Variants in CALR observed in about 807,000 individuals in gnomAD.
CALR encodes the protein calreticulin.
Under a neutral mutation model 51.1 loss-of-function variants are expected in CALR, and 15 were observed. The ratio of observed to expected loss-of-function variants is 0.29; its 90% CI spans 0.20 to 0.45. CALR has a LOEUF of 0.45. Ranked by LOEUF, CALR falls within the 20% of genes least tolerant of loss-of-function variation. The pLI, the probability that CALR is intolerant of heterozygous loss-of-function variation, is 1.00. For missense variants in CALR, 477 were observed against 530.6 expected, an observed-to-expected ratio of 0.90 and a Z score of 0.99; for synonymous variants, 239 against 205.9, an observed-to-expected ratio of 1.16 and a Z score of -1.38.
In CALR at chr19:12,940,948, G is replaced by A. The variant is rs116396710; in HGVS notation, c.960+61G>A. 2,426 of 1,553,816 alleles carry A rather than the reference G, an allele frequency of 1.6e-3. 25 individuals carry two copies. In the African/African-American group the frequency reaches 0.027, roughly 17 times the overall value. ...ACCTCAAGTGCATAAGATCACCCAA[G>A]AGGAAAGGGACAGGGTAGGCACCCC... On this transcript the variant is annotated intron_variant, in intron 7 of 8. Transcript: ENST00000316448.
At chr19:12,939,350 G>A (rs1599659246) in intron 2 of CALR, 78 bp from the exon 3 acceptor site, 1 of 1,491,332 alleles carries the variant, frequency 6.7e-7, no homozygotes, top group East Asian at 2.3e-5. Flanking sequence ...AGGAAGTGGG[G>A]GAGTCTTCTC....
At chr19:12,941,563 A>AC (rs1284721346) in intron 7 of CALR, among the ~76,000 whole-genome samples, 1 of 141,854 alleles carries the variant, frequency 7.0e-6, no homozygotes, top group Non-Finnish European at 1.5e-5. Context: ...GCTCCGCACG[A>AC]CCCCCCAGGT....
At position 12,944,233 on chromosome 19, in the gene CALR, A is replaced by G; in HGVS notation, c.*320A>G. ...TTAGCTCCCCTCCAACCTGGGGGGC[A>G]GTGGTGTGGAGAAGCCACAGGCCTG... On this transcript the variant is annotated 3_prime_UTR_variant, in exon 9 of 9. Coordinates refer to ENST00000316448, the MANE Select transcript of CALR (RefSeq NM_004343.4). The G allele has an allele frequency of 2.1e-6, 1 of 471,420 alleles. No homozygotes were observed. Among genetic ancestry groups the G allele is most frequent in the Admixed American group, 3.5e-5 (1 of 28,854 alleles). The allele number at this position is 471,420 out of a possible 1,614,324, so 29.2% of individuals were successfully genotyped here. A position where few individuals can be genotyped will look rare whatever the true frequency, so the allele number is the denominator to read the frequency against.
chr19:12,940,215 G>A (rs1388520849), intron 4 of CALR, 28 bp from the exon 5 acceptor site: 1 of 1,609,308 alleles, frequency 6.2e-7, no homozygotes, highest in African/African-American at 1.3e-5. Flanking sequence ...TTGGGGGGTG[G>A]CCCCCGCTCA....
chr19:12,942,468 G>A (rs1971562064), intron 7 of CALR, among the ~76,000 whole-genome samples: 1 of 152,030 alleles, frequency 6.6e-6, no homozygotes, highest in African/African-American at 2.4e-5. Context: ...AAAAATACCT[G>A]AATAAGAGAG....
intron 7 of CALR, among the ~76,000 whole-genome samples, chr19:12,942,991 A>C (rs1971568822): frequency 6.6e-6 from 1 of 151,250 alleles, no homozygotes; most frequent in Non-Finnish European, 1.5e-5. Flanking sequence ...CCTGGCCTCA[A>C]GTGATCCGTT....
intron 7 of CALR, among the ~76,000 whole-genome samples, chr19:12,941,669 C>T (rs1185762458): frequency 6.6e-6 from 1 of 150,718 alleles, no homozygotes; most frequent in Admixed American, 6.6e-5. Flanking sequence ...TTTTTTAGTA[C>T]AGACATGGTT....
Position 12,944,086 on chromosome 19 carries a change from GC to G in CALR, c.*176del, listed in dbSNP as rs1568449999. 2 of 817,338 alleles carry G rather than the reference GC, an allele frequency of 2.4e-6. No homozygotes were observed. The highest frequency in any genetic ancestry group is 3.3e-6 in the Non-Finnish European group (2 of 597,896). The allele number at this position is 817,338 out of a possible 1,614,324, so 50.6% of individuals were successfully genotyped here. On this transcript the variant is annotated 3_prime_UTR_variant, in exon 9 of 9. Transcript: ENST00000316448. ...CTCCACTCTCCCCCACCCCCTCCCCGCCCTTTTTTTTTTTTTTTTTTAAACT... is the reference window on the plus strand; with the variant it reads ...CTCCACTCTCCCCCACCCCCTCCCCGCCTTTTTTTTTTTTTTTTTTAAACT...
chr19:12,943,563 C>T lies in CALR; in HGVS notation c.987C>T (p.Asn329=). 1 of 1,614,176 alleles carries T rather than the reference C, an allele frequency of 6.2e-7. No homozygotes were observed. The highest frequency in any genetic ancestry group is 1.1e-5 in the South Asian group (1 of 91,088). ...WQVKSGTIFD[N]FLITNDEAYA... is the part of the protein sequence containing the mutation. ...TCAAGTCTGGCACCATCTTTGACAA[C>T]TTCCTCATCACCAACGATGAGGCAT... The change falls in exon 8 of 9, where the codon AAC becomes AAT. Residue 329 remains asparagine (N), a synonymous_variant. Coordinates refer to ENST00000316448, the MANE Select transcript of CALR (RefSeq NM_004343.4).
At position 12,938,725 on chromosome 19, in the gene CALR, G is replaced by A. The variant is rs1176515855; in HGVS notation, c.46G>A (p.Val16Ile). 1.9e-6 allele frequency: 3 copies of A among 1,611,562 alleles called. No homozygotes were observed. In the South Asian group the frequency reaches 3.3e-5, roughly 18 times the overall value. The change falls in exon 1 of 9, where the codon GTC becomes ATC. Residue 16 changes from valine (V) to isoleucine (I), a missense_variant. Physicochemically the swap from Val to Ile is conservative, Grantham distance 29. Transcript: ENST00000316448. ...GCTGCTCGGCCTCCTCGGCCTGGCC[G>A]TCGCCGAGCCTGCCGTCTACTTCAA... ...PLLLGLLGLA[V>I]AEPAVYFKEQ...
chr19:12,942,374 A>C (rs78451506), intron 7 of CALR, among the ~76,000 whole-genome samples: 1 of 151,606 alleles, frequency 6.6e-6, no homozygotes, highest in South Asian at 2.1e-4. Flanking sequence ...AAAAAAAAAA[A>C]ATGCTGGGAC....
intron 7 of CALR, chr19:12,943,332 C>A: frequency 1.6e-6 from 1 of 613,692 alleles, no homozygotes; most frequent in Non-Finnish European, 3.0e-6. Context: ...GATCCGCCCA[C>A]CTTGGCCTCT....
intron 1 of CALR, 98 bp downstream of exon 1, chr19:12,938,868 C>T (rs370625713): frequency 1.0e-6 from 1 of 973,908 alleles, no homozygotes; most frequent in Non-Finnish European, 1.6e-6. Context: ...AGAGGTCCAA[C>T]ACGGTGGCCT....
chr19:12,939,739 A>G, intron 3 of CALR, 108 bp downstream of exon 3: 1 of 941,322 alleles, frequency 1.1e-6, no homozygotes, highest in East Asian at 2.4e-5. Flanking sequence ...AGCTAAAAGA[A>G]TAAGTCCCAG....
chr19:12,939,783 G>A (rs1366220016), intron 3 of CALR, 152 bp downstream of exon 3: 1 of 774,888 alleles, frequency 1.3e-6, no homozygotes, highest in Non-Finnish European at 2.3e-6. Flanking sequence ...GCAGATCTAG[G>A]CTGTTAATTT....
In CALR at chr19:12,939,322, T is replaced by C. The variant is rs1055244914; in HGVS notation, c.193+87T>C. 4.8e-6 allele frequency: 7 copies of C among 1,446,950 alleles called. No homozygotes were observed. The Admixed American group carries it at 9.1e-5, about 19-fold the overall frequency. The allele number at this position is 1,446,950 out of a possible 1,614,324, so 89.6% of individuals were successfully genotyped here. On this transcript the variant is annotated intron_variant, in intron 2 of 8. Coordinates refer to ENST00000316448, the MANE Select transcript of CALR (RefSeq NM_004343.4). The stretch of plus-strand genomic sequence containing the variant: ...TACACACACAGCCGGGACAGTCCCC[T>C]TGGAGGAGGACAGGTGGAGGAAGTG...
chr19:12,944,110 AC>A lies in CALR; in HGVS notation c.*198del. On this transcript the variant is annotated 3_prime_UTR_variant, in exon 9 of 9. Coordinates refer to ENST00000316448, the MANE Select transcript of CALR (RefSeq NM_004343.4). ...CGCCCTTTTTTTTTTTTTTTTTTAA[AC>A]TGGTATTTTATCTTTGATTCTCCTT... The A allele has an allele frequency of 2.9e-6, 2 of 680,466 alleles. No individual in the cohort carries two copies. Among genetic ancestry groups the A allele is most frequent in the Non-Finnish European group, 4.5e-6 (2 of 449,010 alleles). 42.2% of individuals were successfully genotyped at this position (680,466 alleles called of 1,614,324 possible).
chr19:12,940,929 A>G (rs761666518), intron 7 of CALR, 42 bp downstream of exon 7: 17 of 1,601,166 alleles, frequency 1.1e-5, no homozygotes, highest in Non-Finnish European at 1.5e-5. Flanking sequence ...GGGTACCTCA[A>G]GTGCATAAGA....
Position 12,943,759 on chromosome 19 carries a change from T to A in CALR, c.1100T>A (p.Leu367His), listed in dbSNP as rs770889031. 6.2e-7 allele frequency: 1 copy of A among 1,609,760 alleles called. No individual in the cohort carries two copies. Among genetic ancestry groups the A allele is most frequent in the Non-Finnish European group, 8.5e-7 (1 of 1,177,970 alleles). The stretch of plus-strand genomic sequence containing the variant: ...GACAAACAGGACGAGGAGCAGAGGC[T>A]TAAGGAGGAGGAAGAAGACAAGAAA... ...MKDKQDEEQR[L>H]KEEEEDKKRK... Residue 367 changes from leucine to histidine, a missense_variant, in exon 9 of 9, where the codon CTT becomes CAT. Physicochemically the swap from Leu to His is moderately conservative, Grantham distance 99. Transcript: ENST00000316448.
Sources: gnomAD v4.1 joint callset for allele counts (sites outside exome capture counted in the v4.1 genomes callset) on GRCh38, gnomAD v4.1.1 for gene constraint, MANE v1.5 for transcripts, NCBI Gene and HGNC (gene_info 2026-07-23, HGNC 2026-07-21) for gene names.